Variants in PIERCE2 observed in about 807,000 individuals in gnomAD.
PIERCE2 encodes the protein piercer of microtubule wall 2 protein.
the PIERCE2 span, chr15:55,408,872 A>C: frequency 2.3e-6 from 2 of 884,882 alleles, no homozygotes; most frequent in South Asian, 1.6e-5. Context: ...ACCACCCCCA[A>C]CCCCACAACC....
the PIERCE2 span, among the ~76,000 whole-genome samples, chr15:55,414,775 G>A: frequency 6.6e-6 from 1 of 152,042 alleles, no homozygotes; most frequent in Admixed American, 6.5e-5. Context: ...CTGCTTGGGA[G>A]GCTGAGGCAT....
the PIERCE2 span, chr15:55,418,135 T>G: frequency 6.4e-7 from 1 of 1,573,870 alleles, no homozygotes; most frequent in Non-Finnish European, 8.6e-7. Context: ...ACAGAATTCC[T>G]GAAAAAGGGA....
chr15:55,414,144 G>C, the PIERCE2 span, among the ~76,000 whole-genome samples: 1 of 151,238 alleles, frequency 6.6e-6, no homozygotes. Context: ...TGATCTGCCC[G>C]CCTCAGCTTC....
At chr15:55,408,749 A>G in the PIERCE2 span, 19 of 1,527,982 alleles carry the variant, frequency 1.2e-5, no homozygotes, top group Non-Finnish European at 1.6e-5. Flanking sequence ...TGCCGAAAAA[A>G]TTAACAAAGA....
chr15:55,418,652 GA>G, the PIERCE2 span: 2 of 971,214 alleles, frequency 2.1e-6, no homozygotes, highest in East Asian at 5.4e-5. Context: ...ACCTAATAAA[GA>G]AGATAAAAAG....
chr15:55,418,374 T>C, the PIERCE2 span: 1 of 1,536,758 alleles, frequency 6.5e-7, no homozygotes, highest in African/African-American at 1.4e-5. Context: ...CCTCAAATGA[T>C]TATGTATAAA....
chr15:55,412,194 T>C, the PIERCE2 span, among the ~76,000 whole-genome samples: 1 of 151,944 alleles, frequency 6.6e-6, no homozygotes, highest in South Asian at 2.1e-4. Flanking sequence ...ATAGGAACTA[T>C]GGCAGATTTT....
chr15:55,413,402 T>C, the PIERCE2 span, among the ~76,000 whole-genome samples: 3 of 151,936 alleles, frequency 2.0e-5, no homozygotes, highest in East Asian at 5.8e-4. Context: ...CTAGCCTGAG[T>C]GACAGAGAAA....
chr15:55,413,079 T>C, the PIERCE2 span, among the ~76,000 whole-genome samples: 2 of 151,718 alleles, frequency 1.3e-5, no homozygotes, highest in Non-Finnish European at 2.9e-5. Context: ...CCATCCTGGC[T>C]AACACGGTGA....
chr15:55,412,746 C>G, the PIERCE2 span, among the ~76,000 whole-genome samples: 1 of 152,026 alleles, frequency 6.6e-6, no homozygotes, highest in Non-Finnish European at 1.5e-5. Context: ...CCAGTGCACT[C>G]CAGCCTGGGC....
At chr15:55,418,507 T>G in the PIERCE2 span, 40 of 1,526,946 alleles carry the variant, frequency 2.6e-5, no homozygotes, top group South Asian at 6.0e-5. Context: ...AAAATAACAC[T>G]CTAAATACTG....
chr15:55,416,411 A>G, the PIERCE2 span, among the ~76,000 whole-genome samples: 1 of 152,110 alleles, frequency 6.6e-6, no homozygotes, highest in Non-Finnish European at 1.5e-5. Context: ...GAAACTTGTT[A>G]TATTAATTTA....
At chr15:55,417,782 C>T in the PIERCE2 span, 1 of 206,378 alleles carries the variant, frequency 4.8e-6, no homozygotes, top group African/African-American at 2.3e-5. Context: ...GCTTTTTAAT[C>T]ACCTGGGTGG....
chr15:55,414,821 T>A, the PIERCE2 span, among the ~76,000 whole-genome samples: 1 of 151,952 alleles, frequency 6.6e-6, no homozygotes, highest in Non-Finnish European at 1.5e-5. Flanking sequence ...GAGGTTGCAG[T>A]GAGCCGAGAT....
the PIERCE2 span, chr15:55,408,498 C>A: frequency 6.1e-6 from 2 of 327,246 alleles, no homozygotes; most frequent in Middle Eastern, 8.2e-4. Flanking sequence ...GGCCGCAGAT[C>A]CCCACAACAT....
chr15:55,417,994 G>A, the PIERCE2 span: 1 of 778,160 alleles, frequency 1.3e-6, no homozygotes, highest in Non-Finnish European at 2.0e-6. Flanking sequence ...GTTAAGGCAG[G>A]AACCGGCCAT....
chr15:55,413,352 G>A, the PIERCE2 span, among the ~76,000 whole-genome samples: 1 of 152,102 alleles, frequency 6.6e-6, no homozygotes, highest in Admixed American at 6.6e-5. Flanking sequence ...CTGGAATCCA[G>A]GAGTTTGAGG....
chr15:55,408,708 T>G, the PIERCE2 span: 1 of 1,264,382 alleles, frequency 7.9e-7, no homozygotes, highest in Non-Finnish European at 1.1e-6. Context: ...TTCACCGGCT[T>G]TCTTGCCATC....
At chr15:55,418,606 C>A in the PIERCE2 span, 3 of 1,307,666 alleles carry the variant, frequency 2.3e-6, no homozygotes, top group African/African-American at 1.5e-5. Flanking sequence ...AGAAAATATA[C>A]TCGGGAAAAA....
Sources: allele counts gnomAD v4.1 joint callset (sites outside exome capture counted in the v4.1 genomes callset), GRCh38; gene constraint gnomAD v4.1.1; transcripts MANE v1.5; gene names NCBI Gene and HGNC (gene_info 2026-07-23, HGNC 2026-07-21).